The following SPTSSA variants were observed in gnomAD, a reference collection of about 807,000 sequenced individuals.
SPTSSA encodes serine palmitoyltransferase small subunit A.
Under a neutral mutation model 9.1 loss-of-function variants are expected in SPTSSA, and 8 were observed. The ratio of observed to expected loss-of-function variants is 0.88; its 90% CI spans 0.51 to 1.58. SPTSSA has a LOEUF of 1.58. Ranked by LOEUF, SPTSSA falls within the 40% of genes most tolerant of loss-of-function variation. The pLI, the probability that SPTSSA is intolerant of heterozygous loss-of-function variation, is 0.00. For synonymous variants in SPTSSA, 42 were observed against 37.7 expected, an observed-to-expected ratio of 1.11 and a Z score of -0.41; for missense variants, 100 against 93.8, an observed-to-expected ratio of 1.07 and a Z score of -0.27.
rs377680740 is a variant in SPTSSA at position 34,457,990 on chromosome 14, AC to A, written c.112+4105del. On this transcript the variant is annotated intron_variant, in intron 1 of 1. Coordinates refer to ENST00000298130, the MANE Select transcript of SPTSSA (RefSeq NM_138288.4). ...GTCTCGGAAAAAAAAAAAAAAAAAA[AC>A]AAAGAAAAGAAAAGAAAAGACAGAT... Among the ~76,000 whole-genome samples, 782 of 109,342 alleles carry A rather than the reference AC, an allele frequency of 7.2e-3. 6 individuals are homozygous for A. Among genetic ancestry groups the A allele is most frequent in the Middle Eastern group, 0.01 (2 of 192 alleles). 71.7% of individuals were successfully genotyped at this position (109,342 alleles called of 152,430 possible). A position where few individuals can be genotyped will look rare whatever the true frequency, so the allele number is the denominator to read the frequency against.
At chr14:34,443,137 G>A (rs1883350463) in intron 1 of SPTSSA, among the ~76,000 whole-genome samples, 1 of 75,298 alleles carries the variant, frequency 1.3e-5, no homozygotes, top group Non-Finnish European at 2.3e-5. Context: ...TTCTAGGGGT[G>A]TGTGTGTGTG....
intron 1 of SPTSSA, among the ~76,000 whole-genome samples, chr14:34,454,789 C>G (rs1216776430): frequency 1.3e-5 from 2 of 152,158 alleles, no homozygotes; most frequent in South Asian, 2.1e-4. Context: ...CCTAATCTTA[C>G]AATTGTTCAT....
At chr14:34,437,494 C>T (rs1376384926) in intron 1 of SPTSSA, among the ~76,000 whole-genome samples, 1 of 152,186 alleles carries the variant, frequency 6.6e-6, no homozygotes, top group Non-Finnish European at 1.5e-5. Context: ...CTGGTCTTAA[C>T]CAATTAGAGG....
chr14:34,451,488 C>A (rs1406044953), intron 1 of SPTSSA, among the ~76,000 whole-genome samples: 1 of 152,040 alleles, frequency 6.6e-6, no homozygotes, highest in South Asian at 2.1e-4. Context: ...CTTTGGGAGG[C>A]CAAGGTGGGC....
intron 1 of SPTSSA, among the ~76,000 whole-genome samples, chr14:34,447,058 T>C (rs1334696012): frequency 6.6e-6 from 1 of 151,656 alleles, no homozygotes; most frequent in East Asian, 1.9e-4. Flanking sequence ...ACCGCGTCTC[T>C]ACTAAAAATA....
chr14:34,458,966 G>T (rs868526216), intron 1 of SPTSSA, among the ~76,000 whole-genome samples: 1 of 137,556 alleles, frequency 7.3e-6, no homozygotes, highest in Admixed American at 7.3e-5. Flanking sequence ...GTGCAGTGGC[G>T]TGATCTCGGC....
chr14:34,441,660 C>G (rs1412818261), intron 1 of SPTSSA, among the ~76,000 whole-genome samples: 2 of 150,968 alleles, frequency 1.3e-5, no homozygotes, highest in Non-Finnish European at 3.0e-5. Context: ...ACAGGGGACT[C>G]TCTCTCTCTC....
chr14:34,453,134 A>G (rs980121006), intron 1 of SPTSSA, among the ~76,000 whole-genome samples: 1 of 152,242 alleles, frequency 6.6e-6, no homozygotes, highest in Non-Finnish European at 1.5e-5. Context: ...TCCAGTCAAA[A>G]GTAGACTATT....
At chr14:34,435,508 A>G (rs1883226153) in intron 1 of SPTSSA, among the ~76,000 whole-genome samples, 1 of 150,946 alleles carries the variant, frequency 6.6e-6, no homozygotes, top group Non-Finnish European at 1.5e-5. Context: ...GTTTTGTTTT[A>G]TTTTGTTTTT....
intron 1 of SPTSSA, among the ~76,000 whole-genome samples, chr14:34,461,794 C>T (rs1267784413): frequency 6.6e-6 from 1 of 152,164 alleles, no homozygotes; most frequent in Non-Finnish European, 1.5e-5. Flanking sequence ...GAAGTGCAGG[C>T]GACACACAGG....
intron 1 of SPTSSA, among the ~76,000 whole-genome samples, chr14:34,458,750 T>C (rs1412389467): frequency 4.0e-5 from 6 of 149,744 alleles, no homozygotes; most frequent in African/African-American, 1.2e-4. Flanking sequence ...CCGGCCAAGA[T>C]TGACTTTCAA....
intron 1 of SPTSSA, among the ~76,000 whole-genome samples, chr14:34,460,615 C>A: frequency 6.6e-6 from 1 of 152,022 alleles, no homozygotes; most frequent in East Asian, 1.9e-4. Context: ...ATAGTGCACT[C>A]TACATTCAAC....
At chr14:34,449,935 A>C (rs1385767475) in intron 1 of SPTSSA, among the ~76,000 whole-genome samples, 2 of 152,236 alleles carry the variant, frequency 1.3e-5, no homozygotes, top group African/African-American at 4.8e-5. Flanking sequence ...CAAGCCTCTC[A>C]AAATTTAAAG....
chr14:34,433,531 A>G lies in SPTSSA; in HGVS notation c.*1670T>C, dbSNP rs1883190197. On this transcript the variant is annotated 3_prime_UTR_variant, in exon 2 of 2. Coordinates refer to ENST00000298130, the MANE Select transcript of SPTSSA (RefSeq NM_138288.4). ...AATTTTTAACTACTTCAAACCAAGT[A>G]ATTCCATATTATTCTCACTACTCCT... is the stretch of plus-strand genomic sequence containing the variant. The G allele has an allele frequency of 1.3e-5, 2 of 152,198 alleles. No individual in the cohort carries two copies. Among genetic ancestry groups the G allele is most frequent in the South Asian group, 4.1e-4 (2 of 4,832 alleles). 9.4% of individuals were successfully genotyped at this position (152,198 alleles called of 1,614,324 possible).
chr14:34,440,652 C>T (rs1042113961), intron 1 of SPTSSA, among the ~76,000 whole-genome samples: 12 of 152,078 alleles, frequency 7.9e-5, no homozygotes, highest in Admixed American at 5.2e-4. Context: ...GAGGCCGAGG[C>T]GGGTGGATCA....
chr14:34,455,170 G>A (rs151190328), intron 1 of SPTSSA, among the ~76,000 whole-genome samples: 2,679 of 151,602 alleles, frequency 0.018, 89 homozygotes, highest in African/African-American at 0.062. Context: ...GGCGGATCAC[G>A]AGGTTGGGAG....
intron 1 of SPTSSA, among the ~76,000 whole-genome samples, chr14:34,444,542 A>T (rs1413434371): frequency 6.6e-6 from 1 of 152,100 alleles, no homozygotes; most frequent in Non-Finnish European, 1.5e-5. Flanking sequence ...TCCCGAGGTC[A>T]ACAGTTCAAG....
intron 1 of SPTSSA, among the ~76,000 whole-genome samples, chr14:34,441,430 C>G (rs1397559819): frequency 6.6e-6 from 1 of 152,206 alleles, no homozygotes; most frequent in Non-Finnish European, 1.5e-5. Context: ...CCCCTATGCT[C>G]AAGCCTACTC....
At chr14:34,451,121 C>T (rs1365627921) in intron 1 of SPTSSA, among the ~76,000 whole-genome samples, 2 of 149,714 alleles carry the variant, frequency 1.3e-5, no homozygotes, top group African/African-American at 2.5e-5. Flanking sequence ...AAATACAGTA[C>T]ATTAGAAACA....
Sources: gnomAD v4.1 joint callset for allele counts (sites outside exome capture counted in the v4.1 genomes callset) on GRCh38, gnomAD v4.1.1 for gene constraint, MANE v1.5 for transcripts, NCBI Gene and HGNC (gene_info 2026-07-23, HGNC 2026-07-21) for gene names.